Variants in HGSNAT observed in about 807,000 individuals in gnomAD.
HGSNAT encodes the protein heparan-alpha-glucosaminide N-acetyltransferase, also known as transmembrane protein 76.
HGSNAT carries 59 observed loss-of-function variants against 85.2 expected under a neutral mutation model. The ratio of observed to expected loss-of-function variants is 0.69; its 90% CI spans 0.56 to 0.86. The LOEUF is 0.86. Ranked by LOEUF, HGSNAT falls within the 40% of genes least tolerant of loss-of-function variation. HGSNAT has a pLI of 0.00. For synonymous variants in HGSNAT, 321 were observed against 304.5 expected (o/e 1.05, Z -0.56); for missense variants, 756 against 777.1 (o/e 0.97, Z 0.32).
At chr8:43,141,271 C>G (rs1802525962) in intron 1 of HGSNAT, among the ~76,000 whole-genome samples, 1 of 151,942 alleles carries the variant, frequency 6.6e-6, no homozygotes, top group Non-Finnish European at 1.5e-5. Context: ...CGCGTTTTCC[C>G]TCCAGGGTGA....
chr8:43,175,719 C>T (rs760148250), intron 9 of HGSNAT, among the ~76,000 whole-genome samples: 1 of 151,750 alleles, frequency 6.6e-6, no homozygotes, highest in Non-Finnish European at 1.5e-5. Flanking sequence ...GTGCGCACCA[C>T]CACACCTGGC....
rs1563372014 is a variant in HGSNAT at position 43,178,066 on chromosome 8, C to CT, written c.852-3dup. 6.2e-7 allele frequency: 1 copy of CT among 1,611,246 alleles called. No individual in the cohort carries two copies. The highest frequency in any genetic ancestry group is 8.5e-7 in the Non-Finnish European group (1 of 1,177,776). On this transcript the variant is annotated splice_polypyrimidine_tract_variant and splice_region_variant and intron_variant, in intron 9 of 17. Transcript: ENST00000379644. ...ATGGCCACCTATTAATAACTAGATT[C>CT]TTTTTAGGTTTGTATTTATTATGGG...
chr8:43,184,098 G>A (rs10096152), intron 11 of HGSNAT, among the ~76,000 whole-genome samples: 2,416 of 152,230 alleles, frequency 0.016, 60 homozygotes, highest in African/African-American at 0.054. Flanking sequence ...ATAAACATAC[G>A]TGTGCATGTG....
At chr8:43,163,122 G>A (rs1803319969) in intron 5 of HGSNAT, among the ~76,000 whole-genome samples, 1 of 152,254 alleles carries the variant, frequency 6.6e-6, no homozygotes, top group Middle Eastern at 3.4e-3. Context: ...AGTGAGGTGG[G>A]AGGGAGGTTG....
intron 13 of HGSNAT, 86 bp from the exon 14 acceptor site, chr8:43,193,671 A>G: frequency 2.4e-6 from 2 of 829,272 alleles, no homozygotes; most frequent in Admixed American, 2.1e-5. Context: ...ACTGGAGTGT[A>G]TTCAGGTTTG....
At chr8:43,191,075 G>C (rs901193685) in intron 11 of HGSNAT, among the ~76,000 whole-genome samples, 1 of 152,206 alleles carries the variant, frequency 6.6e-6, no homozygotes, top group African/African-American at 2.4e-5. Flanking sequence ...GCATATGTCA[G>C]CACTTCCTTC....
In HGSNAT at chr8:43,169,227, T is replaced by G. The variant is rs1380355188; in HGVS notation, c.618T>G (p.Asp206Glu). The G allele has an allele frequency of 6.3e-7, 1 of 1,584,794 alleles. No individual in the cohort carries two copies. Residue 206 changes from aspartate to glutamate, a missense_variant, in exon 6 of 18, where the codon GAT becomes GAG. By Grantham distance (45) the Asp-to-Glu change is conservative. Transcript: ENST00000379644. ...ISKAISSRET[D>E]RLINSELGSP... Reference sequence around the variant, plus strand: ...AAGCCATAAGTTCTCGAGAAACTGATCGCCTCATCAATTCTGTAAGTTATG... The same window carrying G: ...AAGCCATAAGTTCTCGAGAAACTGAGCGCCTCATCAATTCTGTAAGTTATG...
At chr8:43,144,909 C>T (rs1802665074) in intron 1 of HGSNAT, among the ~76,000 whole-genome samples, 1 of 152,130 alleles carries the variant, frequency 6.6e-6, no homozygotes, top group African/African-American at 2.4e-5. Flanking sequence ...TTGCCGTTTC[C>T]TTGTGATATA....
intron 10 of HGSNAT, among the ~76,000 whole-genome samples, chr8:43,181,284 A>C (rs1056666884): frequency 3.3e-5 from 5 of 151,406 alleles, no homozygotes; most frequent in Middle Eastern, 3.4e-3. Context: ...ATCCACCTTC[A>C]CTGGCACTTG....
At chr8:43,178,594 C>CTTTTTTTTTTTTTTTTTTTTTTTTTT (rs58996359) in intron 10 of HGSNAT, among the ~76,000 whole-genome samples, 1 of 96,924 alleles carries the variant, frequency 1.0e-5, no homozygotes, top group Non-Finnish European at 2.3e-5. Flanking sequence ...CATCAGCTTT[C>CTTTTTTTTTTTTTTTTTTTTTTTTTT]TTTTTTTTTT....
chr8:43,199,326 T>C (rs1374134186), intron 17 of HGSNAT, 62 bp from the exon 18 acceptor site: 6 of 1,185,392 alleles, frequency 5.1e-6, no homozygotes, highest in South Asian at 2.9e-5. Flanking sequence ...AAGAATTAAA[T>C]AGATGGTTAG....
intron 1 of HGSNAT, among the ~76,000 whole-genome samples, chr8:43,143,837 TGCCTGGCCCACCAGGA>T (rs1488774220): frequency 6.6e-6 from 1 of 151,758 alleles, no homozygotes; most frequent in East Asian, 1.9e-4. Flanking sequence ...TGAGCCACCG[TGCCTGGCCCACCAGGA>T]GCTATTTCAT....
intron 12 of HGSNAT, among the ~76,000 whole-genome samples, 162 bp from the exon 13 acceptor site, chr8:43,192,142 G>T (rs1325232311): frequency 1.3e-5 from 2 of 152,116 alleles, no homozygotes; most frequent in Non-Finnish European, 2.9e-5. Flanking sequence ...TGGCCAGGTT[G>T]GTCTCAAATT....
intron 10 of HGSNAT, among the ~76,000 whole-genome samples, chr8:43,181,008 A>C (rs1315329051): frequency 9.1e-6 from 1 of 109,888 alleles, no homozygotes; most frequent in Non-Finnish European, 1.9e-5. Context: ...CAGGAGAATC[A>C]GGCAGGGAGG....
intron 2 of HGSNAT, among the ~76,000 whole-genome samples, chr8:43,155,643 A>G (rs1803067794): frequency 6.6e-6 from 1 of 152,146 alleles, no homozygotes; most frequent in Non-Finnish European, 1.5e-5. Context: ...CCTATGCACC[A>G]GTGTCATGCA....
Position 43,140,632 on chromosome 8 carries a change from A to T in HGSNAT, c.118+18A>T. 2 of 1,158,036 alleles carry T rather than the reference A, an allele frequency of 1.7e-6. No individual in the cohort carries two copies. The highest frequency in any genetic ancestry group is 2.4e-5 in the South Asian group (1 of 41,524). 71.7% of individuals were successfully genotyped at this position (1,158,036 alleles called of 1,614,324 possible). A position where few individuals can be genotyped will look rare whatever the true frequency, so the allele number is the denominator to read the frequency against. The stretch of plus-strand genomic sequence containing the variant: ...GCCACGAGGTGAGTGCACACCTCCT[A>T]CCGCCGCCCGGCCGGCTACGAGCGC... On this transcript the variant is annotated intron_variant, in intron 1 of 17. Coordinates refer to ENST00000379644, the MANE Select transcript of HGSNAT (RefSeq NM_152419.3).
chr8:43,145,959 A>G (rs1251358953), intron 1 of HGSNAT, among the ~76,000 whole-genome samples: 1 of 152,142 alleles, frequency 6.6e-6, no homozygotes, highest in African/African-American at 2.4e-5. Context: ...TCTCTTTTAT[A>G]TAATATCATA....
At chr8:43,163,494 T>C (rs561900827) in intron 5 of HGSNAT, among the ~76,000 whole-genome samples, 1 of 151,552 alleles carries the variant, frequency 6.6e-6, no homozygotes, top group African/African-American at 2.4e-5. Flanking sequence ...GTTTTATTTT[T>C]AGAAATCTTA....
At position 43,193,967 on chromosome 8, in the gene HGSNAT, TTC is replaced by T. The variant is rs1284284371; in HGVS notation, c.1464+126_1464+127del. 4.8e-6 allele frequency: 7 copies of T among 1,466,008 alleles called. No homozygotes were observed. The East Asian group carries it at 1.0e-4, about 21-fold the overall frequency. 90.8% of individuals were successfully genotyped at this position (1,466,008 alleles called of 1,614,324 possible). On this transcript the variant is annotated intron_variant, in intron 14 of 17. Coordinates refer to ENST00000379644, the MANE Select transcript of HGSNAT (RefSeq NM_152419.3). ...TCTCTTGTGCTATGGGCCTAATATATTCTGTTATCTTTGACAGATTGTGCAGA... is the reference window on the plus strand; with the variant it reads ...TCTCTTGTGCTATGGGCCTAATATATTGTTATCTTTGACAGATTGTGCAGA...
Sources: allele counts gnomAD v4.1 joint callset (sites outside exome capture counted in the v4.1 genomes callset), GRCh38; gene constraint gnomAD v4.1.1; transcripts MANE v1.5; gene names NCBI Gene and HGNC (gene_info 2026-07-23, HGNC 2026-07-21).